The following MYO16 variants were observed in gnomAD, a reference collection of about 807,000 sequenced individuals.
The protein encoded by MYO16 is myosin XVI.
In MYO16, 94 loss-of-function variants were observed where a neutral mutation model predicts 205.3. The ratio of observed to expected loss-of-function variants is 0.46; its 90% CI spans 0.39 to 0.54. The LOEUF (loss-of-function observed/expected upper bound fraction) is 0.54, where lower values mean the gene tolerates loss of function less well. MYO16 is among the 20% of genes least tolerant of loss of function. The pLI, the probability that MYO16 is intolerant of heterozygous loss-of-function variation, is 0.00. For synonymous variants in MYO16, 988 were observed against 954.0 expected, an observed-to-expected ratio of 1.04 and a Z score of -0.66; for missense variants, 2,315 against 2,387.5, an observed-to-expected ratio of 0.97 and a Z score of 0.63.
the MYO16 span, among the ~76,000 whole-genome samples, chr13:108,579,625 G>T: frequency 4.8e-4 from 73 of 152,114 alleles, no homozygotes; most frequent in African/African-American, 1.7e-3. Context: ...ATTTTCAGTA[G>T]AAACGGTGTT....
chr13:109,186,416 G>C (rs985208649), intron 34 of MYO16, among the ~76,000 whole-genome samples: 1 of 152,090 alleles, frequency 6.6e-6, no homozygotes, highest in Admixed American at 6.5e-5. Flanking sequence ...GTTTTCCTCT[G>C]GTCTGTTGTG....
At chr13:108,886,410 G>A (rs905199382) in intron 13 of MYO16, 10 of 456,042 alleles carry the variant, frequency 2.2e-5, no homozygotes, top group Non-Finnish European at 4.0e-5. Context: ...GCTCGGCTAC[G>A]TCCAGGTTCT....
rs78186833 is a variant in MYO16 at position 108,673,167 on chromosome 13, G to T, written c.292+7018G>T. ...ATAGACAACGTCATACTGCAAAAGT[G>T]ATTTATGTGGTATAGTTAGAGAAAC... On this transcript the variant is annotated intron_variant, in intron 2 of 34. Coordinates refer to ENST00000457511, the MANE Select transcript of MYO16 (RefSeq NM_001198950.3). Among the ~76,000 whole-genome samples, 1,190 of 152,248 alleles carry T rather than the reference G, an allele frequency of 7.8e-3. 12 individuals are homozygous for T. Among genetic ancestry groups the T allele is most frequent in the African/African-American group, 0.026 (1,068 of 41,538 alleles).
intron 34 of MYO16, among the ~76,000 whole-genome samples, chr13:109,189,773 T>C (rs1414672316): frequency 6.6e-5 from 10 of 152,244 alleles, no homozygotes. Flanking sequence ...AGTTTCCTTC[T>C]GGTATCATTT....
At chr13:108,626,347 C>T (rs947892388), upstream of MYO16, among the ~76,000 whole-genome samples, 14 of 152,026 alleles carry the variant, frequency 9.2e-5, no homozygotes, top group South Asian at 2.1e-4. Flanking sequence ...GTGCTTTATG[C>T]GTTTGAAAAT....
chr13:108,774,807 T>A (rs1307256711), intron 4 of MYO16, among the ~76,000 whole-genome samples: 3 of 152,224 alleles, frequency 2.0e-5, no homozygotes, highest in Non-Finnish European at 2.9e-5. Context: ...AGGCTGTTAG[T>A]AGGCACCAAA....
chr13:109,094,595 A>T (rs1025710807), intron 27 of MYO16, among the ~76,000 whole-genome samples: 1 of 152,220 alleles, frequency 6.6e-6, no homozygotes, highest in Non-Finnish European at 1.5e-5. Flanking sequence ...TTACGTAGGT[A>T]TACACATGCC....
At chr13:109,133,463 G>A (rs971028661) in intron 31 of MYO16, among the ~76,000 whole-genome samples, 16 of 152,202 alleles carry the variant, frequency 1.1e-4, no homozygotes, top group East Asian at 1.9e-4. Context: ...AAAAGTCACC[G>A]ACATGCCTTA....
intron 10 of MYO16, among the ~76,000 whole-genome samples, chr13:108,848,870 A>G (rs1206197374): frequency 2.0e-5 from 3 of 152,210 alleles, no homozygotes; most frequent in Admixed American, 2.0e-4. Context: ...TTTATTTTGT[A>G]TCCAGTGCTC....
intron 16 of MYO16, among the ~76,000 whole-genome samples, chr13:108,945,942 A>G (rs1423250943): frequency 6.6e-6 from 1 of 152,162 alleles, no homozygotes; most frequent in Non-Finnish European, 1.5e-5. Context: ...GGTGTTTAGC[A>G]TGCTTCCCCC....
intron 5 of MYO16, among the ~76,000 whole-genome samples, chr13:108,787,535 C>T (rs934209616): frequency 3.3e-5 from 5 of 152,150 alleles, no homozygotes; most frequent in East Asian, 1.9e-4. Flanking sequence ...TACAGCATTT[C>T]GTTTGATAGG....
intron 6 of MYO16, among the ~76,000 whole-genome samples, chr13:108,800,027 TCATGGGGAA>T (rs1886921288): frequency 6.6e-6 from 1 of 152,110 alleles, no homozygotes; most frequent in South Asian, 2.1e-4. Flanking sequence ...CCCGCCATCA[TCATGGGGAA>T]GCCTTAGCCT....
At position 108,960,924 on chromosome 13, in the gene MYO16, C is replaced by T. The variant is rs77143695; in HGVS notation, c.2038-615C>T. Among the ~76,000 whole-genome samples, 503 of 152,298 alleles carry T rather than the reference C, an allele frequency of 3.3e-3. 1 individual carries two copies. The highest frequency in any genetic ancestry group is 6.8e-3 in the Middle Eastern group (2 of 294). On this transcript the variant is annotated intron_variant, in intron 17 of 34. Coordinates refer to ENST00000457511, the MANE Select transcript of MYO16 (RefSeq NM_001198950.3). ...TCTGCTCAAAGATAGCTCTTGCCAA[C>T]ATCCATTTTTTTCTGTTTTCCTTAA...
chr13:108,651,207 G>A (rs9583274), intron 1 of MYO16, among the ~76,000 whole-genome samples: 20,874 of 152,076 alleles, frequency 0.14, 2,807 homozygotes, highest in African/African-American at 0.34. Context: ...CTGTGCGCTG[G>A]GGCCTTAGCA....
chr13:108,631,956 T>C (rs1880000777), intron 1 of MYO16, among the ~76,000 whole-genome samples: 1 of 151,486 alleles, frequency 6.6e-6, no homozygotes, highest in Admixed American at 6.6e-5. Flanking sequence ...TGGGAGCCTG[T>C]AATCCCAGCT....
chr13:108,496,567 G>C, the MYO16 span, among the ~76,000 whole-genome samples: 1 of 152,300 alleles, frequency 6.6e-6, no homozygotes, highest in South Asian at 2.1e-4. Flanking sequence ...GAGCCTCAGC[G>C]CATCGCCCCG....
chr13:108,670,962 G>A (rs1372515686), intron 2 of MYO16, among the ~76,000 whole-genome samples: 3 of 152,186 alleles, frequency 2.0e-5, no homozygotes, highest in Non-Finnish European at 4.4e-5. Flanking sequence ...AAATGGATAA[G>A]TGTATTATGT....
At chr13:108,779,446 C>A (rs1050874867) in intron 4 of MYO16, 2 of 152,224 alleles carry the variant, frequency 1.3e-5, no homozygotes, top group African/African-American at 4.8e-5. Flanking sequence ...CTGAAGGAGA[C>A]AACTTTGGGG....
chr13:108,845,020 G>T (rs571615517), intron 10 of MYO16, among the ~76,000 whole-genome samples: 1 of 151,964 alleles, frequency 6.6e-6, no homozygotes, highest in Non-Finnish European at 1.5e-5. Flanking sequence ...AGGGGGAGAG[G>T]GGAATGAGCT....
Sources: allele counts gnomAD v4.1 joint callset (sites outside exome capture counted in the v4.1 genomes callset), GRCh38; gene constraint gnomAD v4.1.1; transcripts MANE v1.5; gene names NCBI Gene and HGNC (gene_info 2026-07-23, HGNC 2026-07-21).